Variants in EPYC observed in about 807,000 individuals in gnomAD.
The protein encoded by EPYC is epiphycan.
Under a neutral mutation model 30.1 loss-of-function variants are expected in EPYC, and 28 were observed. The observed-to-expected ratio is 0.93, with a 90% confidence interval of 0.69 to 1.28. The LOEUF (loss-of-function observed/expected upper bound fraction) is 1.28, where lower values mean the gene tolerates loss of function less well. Among genes scored for constraint, EPYC ranks in the 50% most tolerant of loss-of-function variants. The pLI is 0.00. For missense variants in EPYC, 382 were observed against 383.5 expected, an observed-to-expected ratio of 1.00 and a Z score of 0.03; for synonymous variants, 144 against 141.4, an observed-to-expected ratio of 1.02 and a Z score of -0.13.
intron 2 of EPYC, among the ~76,000 whole-genome samples, chr12:90,999,492 A>T (rs1592632591): frequency 6.6e-6 from 1 of 152,170 alleles, no homozygotes; most frequent in East Asian, 1.9e-4. Context: ...TAGGAGATTT[A>T]AAAAAATATG....
chr12:90,983,917 G>C (rs1377270867), intron 2 of EPYC, among the ~76,000 whole-genome samples: 2 of 152,032 alleles, frequency 1.3e-5, no homozygotes, highest in African/African-American at 4.8e-5. Context: ...TTACTATCTG[G>C]AATTTTAGGA....
rs780296941 is a variant in EPYC, at chr12:90,993,134, G to C, written c.165+9267C>G. Among the ~76,000 whole-genome samples the C allele has an allele frequency of 9.9e-5, 15 of 152,202 alleles. No individual in the cohort carries two copies. In the East Asian group the frequency reaches 1.2e-3, roughly 12 times the overall value. The stretch of plus-strand genomic sequence containing the variant: ...TGTTGATCCCTTTTCTCACTCCTAA[G>C]CTAATTGATGATTGAGAGAAGGAAC... On this transcript the variant is annotated intron_variant, in intron 2 of 6. Coordinates refer to ENST00000261172, the MANE Select transcript of EPYC (RefSeq NM_004950.5).
In EPYC at chr12:90,964,213, G is replaced by T; in HGVS notation, c.912C>A (p.Ser304Arg). 3 of 1,613,516 alleles carry T rather than the reference G, an allele frequency of 1.9e-6. No individual in the cohort carries two copies. The highest frequency in any genetic ancestry group is 2.5e-6 in the Non-Finnish European group (3 of 1,179,616). Reference protein sequence around the residue: ...IRLDGNPINLSKTPQAYMCLP... With the variant: ...IRLDGNPINLRKTPQAYMCLP... ...GACACATGTATGCTTGAGGAGTTTTGCTGAGATTAATAGGGTTTCCATCCA... is the reference window on the plus strand; with the variant it reads ...GACACATGTATGCTTGAGGAGTTTTTCTGAGATTAATAGGGTTTCCATCCA... Residue 304 changes from serine (S) to arginine (R), a missense_variant, in exon 7 of 7, where the codon AGC becomes AGA. Transcript: ENST00000261172.
rs189084717 is a variant in EPYC, at chr12:90,982,558, C to A, written c.166-4296G>T. On this transcript the variant is annotated intron_variant, in intron 2 of 6. Coordinates refer to ENST00000261172, the MANE Select transcript of EPYC (RefSeq NM_004950.5). ...AATATTTGTATTAGGCAAATAATTT[C>A]TGTATTTGCCTATTCTGGACTATTC... Among the ~76,000 whole-genome samples the A allele has an allele frequency of 4.1e-4, 63 of 152,096 alleles. No individual in the cohort carries two copies. The East Asian group carries it at 0.012, about 28-fold the overall frequency.
intron 6 of EPYC, among the ~76,000 whole-genome samples, chr12:90,968,861 C>T (rs1006607801): frequency 3.3e-5 from 5 of 151,724 alleles, no homozygotes; most frequent in African/African-American, 9.7e-5. Flanking sequence ...TCTTTATATG[C>T]ATAGAAATTC....
chr12:91,001,164 G>A (rs1484400475), intron 2 of EPYC, among the ~76,000 whole-genome samples: 1 of 151,690 alleles, frequency 6.6e-6, no homozygotes, highest in Non-Finnish European at 1.5e-5. Flanking sequence ...GGGGGAGAGG[G>A]GAGTAGATTT....
intron 2 of EPYC, among the ~76,000 whole-genome samples, chr12:90,978,690 C>A (rs1877255225): frequency 6.6e-6 from 1 of 152,110 alleles, no homozygotes; most frequent in South Asian, 2.1e-4. Flanking sequence ...TTCTACTCCC[C>A]TTGAAGGTAA....
chr12:90,990,899 T>G (rs1877568618), intron 2 of EPYC, among the ~76,000 whole-genome samples: 1 of 152,160 alleles, frequency 6.6e-6, no homozygotes, highest in Admixed American at 6.5e-5. Context: ...CTTCCAAAAT[T>G]TACTGATCCT....
chr12:90,987,922 T>C (rs1308114047), intron 2 of EPYC, among the ~76,000 whole-genome samples: 2 of 152,148 alleles, frequency 1.3e-5, no homozygotes, highest in Non-Finnish European at 2.9e-5. Flanking sequence ...TCGGTCACAC[T>C]CCTTACAATT....
chr12:91,002,625 T>C, intron 1 of EPYC, 47 bp from the exon 2 acceptor site: 2 of 1,409,764 alleles, frequency 1.4e-6, no homozygotes, highest in South Asian at 1.3e-5. Flanking sequence ...TGATAACTTA[T>C]GAATAGTTTG....
Position 90,970,095 on chromosome 12 carries a change from CA to C in EPYC, c.746del (p.Leu249TrpfsTer36). The C allele has an allele frequency of 1.2e-6, 2 of 1,613,940 alleles. No individual in the cohort carries two copies. Among genetic ancestry groups the C allele is most frequent in the Non-Finnish European group, 1.7e-6 (2 of 1,179,880 alleles). ...LHHLYLTDNN[L>X]DHIPLPLPEN... ...CTGGGAGTGGCAGAGGGATGTGGTC[CA>C]AGTTGTTATCAGTGAGGTACAGATG... is the stretch of plus-strand genomic sequence containing the variant. On this transcript the variant is annotated frameshift_variant, in exon 6 of 7. Coordinates refer to ENST00000261172, the MANE Select transcript of EPYC (RefSeq NM_004950.5). LOFTEE classifies it high-confidence loss of function.
chr12:90,993,286 A>T (rs1877628094), intron 2 of EPYC, among the ~76,000 whole-genome samples: 1 of 152,146 alleles, frequency 6.6e-6, no homozygotes, highest in South Asian at 2.1e-4. Context: ...GCTGGCCAGC[A>T]TTGCCTGTGA....
At chr12:90,976,528 A>G (rs1451675500) in intron 3 of EPYC, among the ~76,000 whole-genome samples, 1 of 152,108 alleles carries the variant, frequency 6.6e-6, no homozygotes, top group Non-Finnish European at 1.5e-5. Context: ...TGGGATTTGA[A>G]TACATATGTT....
At chr12:91,001,144 A>C (rs1020300581) in intron 2 of EPYC, among the ~76,000 whole-genome samples, 2 of 152,030 alleles carry the variant, frequency 1.3e-5, no homozygotes, top group Non-Finnish European at 2.9e-5. Flanking sequence ...GGTGAAAGTA[A>C]GAGAGAGAAG....
chr12:90,971,907 G>A lies in EPYC; in HGVS notation c.595C>T (p.Arg199Cys), dbSNP rs140084607. The change falls in exon 5 of 7, where the codon CGT (arginine) becomes TGT (cysteine). Residue 199 changes from arginine (R) to cysteine (C), a missense_variant. Physicochemically the swap from Arg to Cys is radical, Grantham distance 180. Coordinates refer to ENST00000261172, the MANE Select transcript of EPYC (RefSeq NM_004950.5). ...KLPQLRELVL[R>C]DNKIRQLPEL... ...GGGAGCTGCCTTATTTTGTTGTCAC[G>A]CAGGACAAGCTCTCGAAGTTGAGGC... 1.7e-4 allele frequency: 271 copies of A among 1,611,644 alleles called. 1 individual carries two copies. The highest frequency in any genetic ancestry group is 5.2e-4 in the South Asian group (47 of 90,800).
At chr12:90,995,533 T>C (rs1442784268) in intron 2 of EPYC, among the ~76,000 whole-genome samples, 1 of 151,984 alleles carries the variant, frequency 6.6e-6, no homozygotes, top group African/African-American at 2.4e-5. Flanking sequence ...TAAATTTTAC[T>C]CAGAAACTTA....
chr12:91,003,353 A>G (rs1054340244), intron 1 of EPYC, among the ~76,000 whole-genome samples: 1 of 152,072 alleles, frequency 6.6e-6, no homozygotes, highest in Non-Finnish European at 1.5e-5. Flanking sequence ...CTTAATAGCT[A>G]TCTAAGATTT....
At chr12:90,973,460 C>T (rs1336264452) in intron 3 of EPYC, among the ~76,000 whole-genome samples, 3 of 152,148 alleles carry the variant, frequency 2.0e-5, no homozygotes, top group Non-Finnish European at 4.4e-5. Flanking sequence ...GCACAAAGAA[C>T]ACAGTTGTGT....
intron 2 of EPYC, among the ~76,000 whole-genome samples, chr12:90,991,603 T>C (rs1194467284): frequency 1.3e-5 from 2 of 152,148 alleles, no homozygotes; most frequent in Non-Finnish European, 2.9e-5. Context: ...AAGTTCTTTT[T>C]CTAGATGACA....
Sources: gnomAD v4.1 joint callset for allele counts (sites outside exome capture counted in the v4.1 genomes callset) on GRCh38, gnomAD v4.1.1 for gene constraint, MANE v1.5 for transcripts, NCBI Gene and HGNC (gene_info 2026-07-23, HGNC 2026-07-21) for gene names.